The following FCRLA variants were observed in gnomAD, a reference collection of about 807,000 sequenced individuals.
The protein encoded by FCRLA is Fc receptor like A.
FCRLA carries 26 observed loss-of-function variants against 28.4 expected under a neutral mutation model. The ratio of observed to expected loss-of-function variants is 0.91; its 90% CI spans 0.67 to 1.27. The LOEUF (loss-of-function observed/expected upper bound fraction) is 1.27, where lower values mean the gene tolerates loss of function less well. Among genes scored for constraint, FCRLA ranks in the 50% most tolerant of loss-of-function variants. The probability of loss-of-function intolerance (pLI) is 0.00; values close to 1 mark genes in which losing one functional copy is unlikely to be tolerated. For synonymous variants in FCRLA, 174 were observed against 168.5 expected, an observed-to-expected ratio of 1.03 and a Z score of -0.25; for missense variants, 422 against 433.1, an observed-to-expected ratio of 0.97 and a Z score of 0.23.
chr1:161,707,604 A>T (rs1450726058), intron 1 of FCRLA, among the ~76,000 whole-genome samples: 1 of 152,202 alleles, frequency 6.6e-6, no homozygotes, highest in African/African-American at 2.4e-5. Flanking sequence ...CACTTGTGAG[A>T]CAAGTTTTCT....
intron 1 of FCRLA, among the ~76,000 whole-genome samples, chr1:161,708,928 T>C (rs186407325): frequency 3.9e-5 from 6 of 152,354 alleles, no homozygotes; most frequent in African/African-American, 1.4e-4. Context: ...TTTTTTGTTT[T>C]TGTCTTGTGA....
At chr1:161,711,049 G>C in intron 2 of FCRLA, 137 bp downstream of exon 2, 7 of 1,431,640 alleles carry the variant, frequency 4.9e-6, no homozygotes, top group Non-Finnish European at 6.7e-6. Context: ...AGCAACCAGG[G>C]TGCTCTAAGT....
chr1:161,710,595 C>A, intron 1 of FCRLA, 165 bp from the exon 2 acceptor site: 1 of 1,419,726 alleles, frequency 7.0e-7, no homozygotes, highest in Non-Finnish European at 9.7e-7. Context: ...CAAAACTATC[C>A]CCCTGAGACA....
intron 1 of FCRLA, among the ~76,000 whole-genome samples, chr1:161,708,840 C>T (rs1250656345): frequency 6.6e-6 from 1 of 152,090 alleles, no homozygotes; most frequent in African/African-American, 2.4e-5. Context: ...TAATATTTTC[C>T]TACTTATGCT....
chr1:161,710,688 G>A (rs1475356098), intron 1 of FCRLA, 72 bp from the exon 2 acceptor site: 1 of 1,582,528 alleles, frequency 6.3e-7, no homozygotes, highest in Admixed American at 1.7e-5. Flanking sequence ...CCTGGGAGAT[G>A]GAGGAACCCT....
chr1:161,709,705 AC>A (rs1683003388), intron 1 of FCRLA, among the ~76,000 whole-genome samples: 1 of 152,188 alleles, frequency 6.6e-6, no homozygotes, highest in Admixed American at 6.5e-5. Flanking sequence ...AGAAGTATGC[AC>A]ATGTGAATGG....
chr1:161,711,474 G>A lies in FCRLA; in HGVS notation c.499G>A (p.Glu167Lys), dbSNP rs1297810446. The A allele has an allele frequency of 2.5e-6, 4 of 1,610,940 alleles. No homozygotes were observed. In the African/African-American group the frequency reaches 4.0e-5, roughly 16 times the overall value. The stretch of plus-strand genomic sequence containing the variant: ...ATCTGTTGTGGCTATCACAGTCCAA[G>A]GTGAGAGCTAGAAGCAGCATTGTCA... ...TASVVAITVQ[E>K]LFPAPILRAV... Residue 167 changes from glutamate (E) to lysine (K), a missense_variant and splice_region_variant, in exon 3 of 5, where the codon GAA becomes AAA. This residue lies in a region of FCRLA where 231 missense variants were observed against 214.6 expected (regional missense o/e 1.08). Transcript: ENST00000236938.
Position 161,712,235 on chromosome 1 carries a change from G to A in FCRLA, c.784+17G>A. 1 of 1,600,588 alleles carries A rather than the reference G, an allele frequency of 6.2e-7. No homozygotes were observed. ...GAGTGCAGGGTGAGTTCGCATCAGA[G>A]TGCAGGTTGTCTGTTTGGCATGCGT... On this transcript the variant is annotated intron_variant, in intron 4 of 4. Transcript: ENST00000236938.
chr1:161,711,028 C>A, intron 2 of FCRLA, 116 bp downstream of exon 2: 2 of 1,467,630 alleles, frequency 1.4e-6, no homozygotes, highest in Admixed American at 1.9e-5. Context: ...CCTTCCCAGT[C>A]TTCAGCCCAC....
At chr1:161,708,346 C>T (rs1682933639) in intron 1 of FCRLA, among the ~76,000 whole-genome samples, 1 of 152,220 alleles carries the variant, frequency 6.6e-6, no homozygotes, top group Non-Finnish European at 1.5e-5. Flanking sequence ...TTCATAGAAG[C>T]AGTCCCTTGC....
At chr1:161,712,244 G>T (rs748636442) in intron 4 of FCRLA, 26 bp downstream of exon 4, 1 of 1,595,820 alleles carries the variant, frequency 6.3e-7, no homozygotes, top group Non-Finnish European at 8.5e-7. Flanking sequence ...AGTGCAGGTT[G>T]TCTGTTTGGC....
At chr1:161,710,460 G>A in intron 1 of FCRLA, 3 of 1,550,460 alleles carry the variant, frequency 1.9e-6, no homozygotes, top group Non-Finnish European at 2.6e-6. Context: ...CTTTGCTCCT[G>A]GTTTCCCGTA....
Position 161,712,034 on chromosome 1 carries a change from G to A in FCRLA, c.600G>A (p.Arg200=). 5 of 1,614,194 alleles carry A rather than the reference G, an allele frequency of 3.1e-6. No individual in the cohort carries two copies. In the South Asian group the frequency reaches 5.5e-5, roughly 18 times the overall value. The change falls in exon 4 of 5, where the codon AGG becomes AGA. Residue 200 remains arginine, a synonymous_variant. Coordinates refer to ENST00000236938, the MANE Select transcript of FCRLA (RefSeq NM_032738.4). Reference sequence around the variant, plus strand: ...GTCAGACAAAGTTGCCCCTGCAGAGGTCAGCTGCCCGCCTCCTCTTCTCCT... The same window carrying A: ...GTCAGACAAAGTTGCCCCTGCAGAGATCAGCTGCCCGCCTCCTCTTCTCCT... ...LSCQTKLPLQ[R]SAARLLFSFY...
chr1:161,710,838 C>T lies in FCRLA; in HGVS notation c.158C>T (p.Thr53Ile), dbSNP rs1443762496. 1 of 1,613,898 alleles carries T rather than the reference C, an allele frequency of 6.2e-7. No individual in the cohort carries two copies. The highest frequency in any genetic ancestry group is 1.3e-5 in the African/African-American group (1 of 74,912). The change falls in exon 2 of 5, where the codon ACT becomes ATT. Residue 53 changes from threonine to isoleucine, a missense_variant. Physicochemically the swap from Thr to Ile is moderately conservative, Grantham distance 89. Transcript: ENST00000236938. ...ESSCHTEDDLTDAREAGFQVK... is the reference protein window; with the variant it reads ...ESSCHTEDDLIDAREAGFQVK... Reference sequence around the variant, plus strand: ...AGCTGCCACACGGAGGATGACTTGACTGATGCAAGGGAAGCTGGCTTCCAG... The same window carrying T: ...AGCTGCCACACGGAGGATGACTTGATTGATGCAAGGGAAGCTGGCTTCCAG...
chr1:161,710,217 T>G (rs1683024628), intron 1 of FCRLA: 5 of 536,678 alleles, frequency 9.3e-6, no homozygotes, highest in Non-Finnish European at 1.7e-5. Context: ...CACCTGCCTT[T>G]CCCGATCCAT....
At position 161,713,058 on chromosome 1, in the gene FCRLA, GTATGTGCCT is replaced by G; in HGVS notation, c.785-26_785-18del. 1 of 1,595,476 alleles carries G rather than the reference GTATGTGCCT, an allele frequency of 6.3e-7. No individual in the cohort carries two copies. ...AGGGCCAGAGTCAGACTTCACTCTT[GTATGTGCCT>G]CCTGCCCCATAATTCAGGTGCTTCC... On this transcript the variant is annotated intron_variant, in intron 4 of 4. Coordinates refer to ENST00000236938, the MANE Select transcript of FCRLA (RefSeq NM_032738.4).
intron 2 of FCRLA, 45 bp from the exon 3 acceptor site, chr1:161,711,163 C>T: frequency 2.5e-6 from 4 of 1,574,312 alleles, no homozygotes; most frequent in Non-Finnish European, 3.4e-6. Flanking sequence ...GGGTGGCCCC[C>T]AAGGGAGGCC....
intron 1 of FCRLA, among the ~76,000 whole-genome samples, chr1:161,707,863 T>C (rs1442181166): frequency 6.6e-6 from 1 of 152,214 alleles, no homozygotes; most frequent in Admixed American, 6.5e-5. Context: ...CTCCTTGTAC[T>C]ACATGGACTT....
rs200750351 is a variant in FCRLA at position 161,713,260 on chromosome 1, G to A, written c.960G>A (p.Gln320=). The change falls in exon 5 of 5, where the codon CAG becomes CAA. Residue 320 remains glutamine (Q), a synonymous_variant. Transcript: ENST00000236938. ...TGCCAGATCCTCATCTGTATCACCA[G>A]ATGGGCCTTCTTCTCAAACACATGC... The part of the protein sequence containing the change: ...LGMPDPHLYH[Q]MGLLLKHMQD... The A allele has an allele frequency of 1.2e-6, 2 of 1,614,234 alleles. No homozygotes were observed. The highest frequency in any genetic ancestry group is 4.5e-5 in the East Asian group (2 of 44,890).
Sources: allele counts gnomAD v4.1 joint callset (sites outside exome capture counted in the v4.1 genomes callset), GRCh38; gene constraint gnomAD v4.1.1; regional missense constraint gnomAD v4.1.1; transcripts MANE v1.5; gene names NCBI Gene and HGNC (gene_info 2026-07-23, HGNC 2026-07-21).